BRWD3: variants seen among roughly 807,000 people sequenced by gnomAD.
BRWD3 encodes bromodomain and WD repeat-containing protein 3.
BRWD3 carries 10 observed loss-of-function variants against 149.7 expected under a neutral mutation model. The observed-to-expected ratio is 0.07, with a 90% CI of 0.04 to 0.11. The LOEUF is 0.11. Among genes scored for constraint, BRWD3 ranks in the 10% least tolerant of loss-of-function variants. The pLI, the probability that BRWD3 is intolerant of heterozygous loss-of-function variation, is 1.00. For synonymous variants in BRWD3, 504 were observed against 456.7 expected (o/e 1.10, Z -1.32); for missense variants, 940 against 1,373.2 (o/e 0.68, Z 4.99).
rs2072928833 is a variant in BRWD3 at position 80,709,633 on chromosome X, AG to A, written c.2326-57del. 5 of 1,108,689 alleles carry A rather than the reference AG, an allele frequency of 4.5e-6. No homozygotes were observed. In the African/African-American group the frequency reaches 7.3e-5, roughly 16 times the overall value. 91.4% of individuals were successfully genotyped at this position (1,108,689 alleles called of 1,213,427 possible). On this transcript the variant is annotated intron_variant, in intron 20 of 40. Coordinates refer to ENST00000373275, the MANE Select transcript of BRWD3 (RefSeq NM_153252.5). ...AAAGGAAAAGCTCAGTAAACACACA[AG>A]GAACATATATAAAGCAAATTAGGTG...
Position 80,793,630 on chromosome X carries a change from T to A in BRWD3, c.323A>T (p.Asp108Val). 9 of 1,210,375 alleles carry A rather than the reference T, an allele frequency of 7.4e-6. No individual in the cohort carries two copies. The highest frequency in any genetic ancestry group is 1.0e-5 in the Non-Finnish European group (9 of 894,743). Residue 108 changes from aspartate to valine, a missense_variant, in exon 5 of 41, where the codon GAT (aspartate) becomes GTT (valine). Coordinates refer to ENST00000373275, the MANE Select transcript of BRWD3 (RefSeq NM_153252.5). ...AATTCTGAAAATCTCACCTTTGGCATCCCGTAGCAGAGACTGCCGACCAAC... is the reference window on the plus strand; with the variant it reads ...AATTCTGAAAATCTCACCTTTGGCAACCCGTAGCAGAGACTGCCGACCAAC... ...LGVGRQSLLR[D>V]AKDCKSTLWN...
intron 4 of BRWD3, among the ~76,000 whole-genome samples, chrX:80,802,522 A>G (rs1415853308): frequency 1.8e-5 from 2 of 108,885 alleles, no homozygotes; most frequent in African/African-American, 6.7e-5. Flanking sequence ...AAAATATAAC[A>G]TCTGGGGTCA....
rs2072321011 is a variant in BRWD3, at chrX:80,671,258, C to T, written c.*5351G>A. 8.9e-6 allele frequency: 1 copy of T among 112,083 alleles called. No individual in the cohort carries two copies. The highest frequency in any genetic ancestry group is 9.5e-5 in the Admixed American group (1 of 10,546). The allele number at this position is 112,083 out of a possible 1,213,427, so 9.2% of individuals were successfully genotyped here. A position where few individuals can be genotyped will look rare whatever the true frequency, so the allele number is the denominator to read the frequency against. On this transcript the variant is annotated 3_prime_UTR_variant, in exon 41 of 41. Transcript: ENST00000373275. ...GTTATTGAATGCACCAAGCAGCCCA[C>T]ATTTAAAGTGTAAACATCATATTTA...
intron 28 of BRWD3, 63 bp from the exon 29 acceptor site, chrX:80,692,213 C>T (rs900384447): frequency 2.0e-6 from 2 of 1,003,187 alleles, no homozygotes; most frequent in East Asian, 6.1e-5. Context: ...CATATACTAC[C>T]ACAATTTTAC....
chrX:80,756,031 A>G (rs1351507932), intron 6 of BRWD3, among the ~76,000 whole-genome samples: 1 of 111,772 alleles, frequency 8.9e-6, no homozygotes, highest in African/African-American at 3.2e-5. Context: ...TACATTTTCT[A>G]TTAGGTTCTT....
chrX:80,722,252 C>T (rs1285699347), intron 17 of BRWD3, among the ~76,000 whole-genome samples: 2 of 111,958 alleles, frequency 1.8e-5, no homozygotes, highest in Non-Finnish European at 3.8e-5. Context: ...GTTATAAAAG[C>T]TTTTACTACA....
chrX:80,696,075 T>C, intron 26 of BRWD3, 85 bp from the exon 27 acceptor site: 3 of 871,670 alleles, frequency 3.4e-6, no homozygotes, highest in Non-Finnish European at 4.9e-6. Flanking sequence ...ATGTTTATTG[T>C]AGACCCATTG....
chrX:80,783,201 C>T (rs985776351), intron 6 of BRWD3, among the ~76,000 whole-genome samples: 2 of 109,765 alleles, frequency 1.8e-5, no homozygotes, highest in Non-Finnish European at 3.8e-5. Context: ...GCCTGGCCAA[C>T]GTGGTGAAAC....
chrX:80,748,549 A>G (rs189788721), intron 6 of BRWD3, among the ~76,000 whole-genome samples: 1 of 112,307 alleles, frequency 8.9e-6, no homozygotes, highest in Non-Finnish European at 1.9e-5. Context: ...ACTTTTTATT[A>G]CCGACTCAAT....
chrX:80,756,999 G>A (rs1480207869), intron 6 of BRWD3, among the ~76,000 whole-genome samples: 3 of 111,440 alleles, frequency 2.7e-5, no homozygotes, highest in Non-Finnish European at 5.7e-5. Context: ...GTAGAATGAA[G>A]TATTAAATGT....
At chrX:80,808,456 G>A in intron 4 of BRWD3, 83 bp downstream of exon 4, 1 of 766,738 alleles carries the variant, frequency 1.3e-6, no homozygotes, top group Non-Finnish European at 2.0e-6. Flanking sequence ...CGTCGGCTGA[G>A]AGGTGGGGGG....
rs200802103 is a variant in BRWD3 at position 80,722,721 on chromosome X, A to G, written c.1717T>C (p.Leu573=). ...GGAGCTTGTTGGGTTTGTTCATCCAATACATAGTTATTGGCATCACGAATA... is the reference window on the plus strand; with the variant it reads ...GGAGCTTGTTGGGTTTGTTCATCCAGTACATAGTTATTGGCATCACGAATA... ...PLIRDANNYV[L]DEQTQQAPHL... is the part of the protein sequence containing the mutation. The change falls in exon 17 of 41, where the codon TTG becomes CTG. Residue 573 remains leucine, a synonymous_variant. Transcript: ENST00000373275. 8.3e-7 allele frequency: 1 copy of G among 1,209,288 alleles called. No individual in the cohort carries two copies. Among genetic ancestry groups the G allele is most frequent in the East Asian group, 3.0e-5 (1 of 33,730 alleles).
chrX:80,773,838 C>A (rs1569282883), intron 6 of BRWD3, among the ~76,000 whole-genome samples: 1 of 112,279 alleles, frequency 8.9e-6, no homozygotes, highest in Non-Finnish European at 1.9e-5. Context: ...GCCCATTACA[C>A]TTTGTACTTT....
intron 6 of BRWD3, among the ~76,000 whole-genome samples, chrX:80,789,077 A>C (rs2074147354): frequency 8.9e-6 from 1 of 112,154 alleles, no homozygotes. Flanking sequence ...ATCCTAATAC[A>C]GTTGACTTAA....
At chrX:80,788,167 G>A in intron 6 of BRWD3, among the ~76,000 whole-genome samples, 1 of 108,522 alleles carries the variant, frequency 9.2e-6, no homozygotes, top group Non-Finnish European at 1.9e-5. Context: ...GCCAGGGACA[G>A]TAGCTCATGC....
intron 6 of BRWD3, among the ~76,000 whole-genome samples, chrX:80,747,357 T>C (rs2073607669): frequency 9.1e-6 from 1 of 109,747 alleles, no homozygotes; most frequent in African/African-American, 3.3e-5. Context: ...ATCCCTCACC[T>C]GTCCCCACTA....
At chrX:80,714,027 AT>A (rs1225836084) in intron 20 of BRWD3, among the ~76,000 whole-genome samples, 4 of 111,666 alleles carry the variant, frequency 3.6e-5, no homozygotes, top group Non-Finnish European at 5.6e-5. Context: ...ATATCTTGAA[AT>A]AGCCCTGCAA....
At chrX:80,796,402 T>G (rs1373639287) in intron 4 of BRWD3, among the ~76,000 whole-genome samples, 1 of 111,681 alleles carries the variant, frequency 9.0e-6, no homozygotes, top group Non-Finnish European at 1.9e-5. Flanking sequence ...GTGCTGGGAT[T>G]ACAGGCATGA....
rs558330877 is a variant in BRWD3, at chrX:80,792,920, T to G, written c.331+702A>C. ...GGTTTACGCCTGTAATCCCAGCACT[T>G]TGGGAGGCTGAGGCAGGCGGATCAC... On this transcript the variant is annotated intron_variant, in intron 5 of 40. Coordinates refer to ENST00000373275, the MANE Select transcript of BRWD3 (RefSeq NM_153252.5). 4.5e-4 allele frequency among the ~76,000 whole-genome samples: 49 copies of G among 109,551 alleles called. 1 individual carries two copies. The South Asian group carries it at 0.018, about 41-fold the overall frequency.
Sources: allele counts gnomAD v4.1 joint callset (sites outside exome capture counted in the v4.1 genomes callset), GRCh38; gene constraint gnomAD v4.1.1; transcripts MANE v1.5; gene names NCBI Gene and HGNC (gene_info 2026-07-23, HGNC 2026-07-21).